The following MYBL2 variants were observed in gnomAD, a reference collection of about 807,000 sequenced individuals.
MYBL2 encodes myb-related protein B.
A neutral mutation model predicts 79.9 loss-of-function variants in MYBL2; 28 were observed. That is an observed-to-expected ratio of 0.35 (90% CI 0.26 to 0.48). The LOEUF is 0.48. MYBL2 is among the 20% of genes least tolerant of loss of function. MYBL2 has a pLI of 0.99. For missense variants in MYBL2, 735 were observed against 893.9 expected (o/e 0.82, Z 2.27); for synonymous variants, 378 against 361.2 (o/e 1.05, Z -0.53).
intron 5 of MYBL2, among the ~76,000 whole-genome samples, chr20:43,688,446 C>A (rs1158868497): frequency 6.6e-6 from 1 of 152,068 alleles, no homozygotes; most frequent in Non-Finnish European, 1.5e-5. Flanking sequence ...CTGCCCACCT[C>A]AGCCTCACAA....
chr20:43,673,722 TG>T, intron 1 of MYBL2, 83 bp from the exon 2 acceptor site: 1 of 1,303,252 alleles, frequency 7.7e-7, no homozygotes, highest in Non-Finnish European at 1.1e-6. Flanking sequence ...TTCCCTAGGG[TG>T]GGCTGGCCGC....
intron 8 of MYBL2, among the ~76,000 whole-genome samples, chr20:43,703,332 T>C (rs1207291617): frequency 1.3e-5 from 2 of 152,224 alleles, no homozygotes; most frequent in Non-Finnish European, 2.9e-5. Context: ...GTGCTGGGGA[T>C]GGGCTTGTAA....
Position 43,706,719 on chromosome 20 carries a change from G to GTTTTTTTTTTTTTTTTTTT in MYBL2, c.1505+1375_1505+1376insTTTTTTTTTTTTTTTTTTT, listed in dbSNP as rs71193702. ...CTGTCTGTACACAAAAAAAAAAAAAGTTTTTTTTTTTTTTGAGATGGAGTC... is the reference window on the plus strand; with the variant it reads ...CTGTCTGTACACAAAAAAAAAAAAAGTTTTTTTTTTTTTTTTTTTTTTTTTTTTTTTTTGAGATGGAGTC... On this transcript the variant is annotated intron_variant, in intron 9 of 13. Transcript: ENST00000217026. Among the ~76,000 whole-genome samples, 39 of 70,776 alleles carry GTTTTTTTTTTTTTTTTTTT rather than the reference G, an allele frequency of 5.5e-4. 5 individuals are homozygous for GTTTTTTTTTTTTTTTTTTT. Among genetic ancestry groups the GTTTTTTTTTTTTTTTTTTT allele is most frequent in the South Asian group, 3.4e-3 (6 of 1,788 alleles). The allele number at this position is 70,776 out of a possible 152,430, so 46.4% of individuals were successfully genotyped here. A position where few individuals can be genotyped will look rare whatever the true frequency, so the allele number is the denominator to read the frequency against.
In MYBL2 at chr20:43,703,700, C is replaced by T. The variant is rs145062827; in HGVS notation, c.1365+797C>T. Among the ~76,000 whole-genome samples, 1,170 of 152,208 alleles carry T rather than the reference C, an allele frequency of 7.7e-3. 29 individuals are homozygous for T. The highest frequency in any genetic ancestry group is 0.043 in the Admixed American group (650 of 15,294). On this transcript the variant is annotated intron_variant, in intron 8 of 13. Coordinates refer to ENST00000217026, the MANE Select transcript of MYBL2 (RefSeq NM_002466.4). The stretch of plus-strand genomic sequence containing the variant: ...CTTCCTGTGAGGCTGTGGGAGAGAG[C>T]GAGGCCCTGAGGTGGCCTGGTGCAG...
chr20:43,680,778 C>A (rs1363706187), intron 2 of MYBL2, among the ~76,000 whole-genome samples: 1 of 152,216 alleles, frequency 6.6e-6, no homozygotes, highest in Non-Finnish European at 1.5e-5. Flanking sequence ...CAGGTGTGAG[C>A]CACTGCGCCT....
At chr20:43,688,803 T>C (rs1426563246) in intron 5 of MYBL2, among the ~76,000 whole-genome samples, 4 of 152,032 alleles carry the variant, frequency 2.6e-5, no homozygotes, top group African/African-American at 9.7e-5. Flanking sequence ...ATTATATTTT[T>C]TTTAAGACCG....
intron 2 of MYBL2, among the ~76,000 whole-genome samples, chr20:43,676,222 A>G (rs920531951): frequency 3.9e-5 from 6 of 151,938 alleles, no homozygotes; most frequent in Non-Finnish European, 7.4e-5. Flanking sequence ...CCCAGCCCCA[A>G]TAGGTAGTTT....
At chr20:43,712,507 C>T (rs1987930169) in intron 11 of MYBL2, among the ~76,000 whole-genome samples, 1 of 152,106 alleles carries the variant, frequency 6.6e-6, no homozygotes, top group Non-Finnish European at 1.5e-5. Context: ...AGAGCCGCTC[C>T]CTGGTATCGG....
At chr20:43,682,925 C>T in intron 4 of MYBL2, 39 bp downstream of exon 4, 2 of 1,558,104 alleles carry the variant, frequency 1.3e-6, no homozygotes, top group Non-Finnish European at 1.8e-6. Flanking sequence ...AGTGGGTCTT[C>T]ACCCACCAGT....
chr20:43,693,873 A>AACCCCATTTTATAG (rs1987472048), intron 6 of MYBL2, among the ~76,000 whole-genome samples: 1 of 152,204 alleles, frequency 6.6e-6, no homozygotes, highest in East Asian at 1.9e-4. Context: ...CAACATGGTG[A>AACCCCATTTTATAG]AACCCCATTT....
intron 10 of MYBL2, among the ~76,000 whole-genome samples, chr20:43,710,808 G>T (rs1452692717): frequency 6.6e-6 from 1 of 152,184 alleles, no homozygotes; most frequent in Non-Finnish European, 1.5e-5. Flanking sequence ...TACATGAGCC[G>T]AGGTGAGGCA....
intron 7 of MYBL2, 123 bp from the exon 8 acceptor site, chr20:43,702,367 A>T (rs946360997): frequency 1.7e-5 from 18 of 1,084,874 alleles, no homozygotes; most frequent in Admixed American, 2.3e-5. Context: ...AAATGCATGA[A>T]ATATTAATGA....
chr20:43,710,124 C>A, intron 10 of MYBL2, 62 bp downstream of exon 10: 1 of 1,350,566 alleles, frequency 7.4e-7, no homozygotes, highest in Non-Finnish European at 1.0e-6. Flanking sequence ...TTCATCCAAC[C>A]ATGTTCAGTC....
chr20:43,690,490 C>T (rs531376268), intron 5 of MYBL2, among the ~76,000 whole-genome samples: 92 of 151,878 alleles, frequency 6.1e-4, no homozygotes, highest in Non-Finnish European at 1.1e-3. Context: ...TAGTAGAAGC[C>T]GTCGGCAGCA....
chr20:43,701,296 G>C (rs1213215140), intron 7 of MYBL2, among the ~76,000 whole-genome samples: 1 of 152,208 alleles, frequency 6.6e-6, no homozygotes, highest in Non-Finnish European at 1.5e-5. Context: ...TGGTCTACCA[G>C]ACACTGTCGG....
chr20:43,709,679 C>G (rs1987863069), intron 9 of MYBL2, among the ~76,000 whole-genome samples: 1 of 152,212 alleles, frequency 6.6e-6, no homozygotes, highest in African/African-American at 2.4e-5. Flanking sequence ...TGAAGTGTGG[C>G]CACGGACTGC....
At chr20:43,668,383 G>A (rs898483883) in intron 1 of MYBL2, among the ~76,000 whole-genome samples, 2 of 151,896 alleles carry the variant, frequency 1.3e-5, no homozygotes, top group Non-Finnish European at 2.9e-5. Flanking sequence ...TGTATGTTTA[G>A]TAGAGACAGG....
chr20:43,699,657 A>T lies in MYBL2; in HGVS notation c.664-100A>T, dbSNP rs1359533158. The stretch of plus-strand genomic sequence containing the variant: ...GAATGTTTCTCTATTTGGGTTCATC[A>T]CAGTTTCCTTCTTAGATTCAGGTTG... On this transcript the variant is annotated intron_variant, in intron 6 of 13. Coordinates refer to ENST00000217026, the MANE Select transcript of MYBL2 (RefSeq NM_002466.4). 9.2e-6 allele frequency: 12 copies of T among 1,308,704 alleles called. No individual in the cohort carries two copies. In the East Asian group the frequency reaches 2.8e-4, roughly 31 times the overall value. 81.1% of individuals were successfully genotyped at this position (1,308,704 alleles called of 1,614,324 possible). A position where few individuals can be genotyped will look rare whatever the true frequency, so the allele number is the denominator to read the frequency against.
intron 6 of MYBL2, among the ~76,000 whole-genome samples, chr20:43,696,547 T>C (rs1286649301): frequency 6.6e-6 from 1 of 152,294 alleles, no homozygotes; most frequent in Non-Finnish European, 1.5e-5. Context: ...CTTACTCTTT[T>C]ACAACTTTCT....
Sources: gnomAD v4.1 joint callset for allele counts (sites outside exome capture counted in the v4.1 genomes callset) on GRCh38, gnomAD v4.1.1 for gene constraint, MANE v1.5 for transcripts, NCBI Gene and HGNC (gene_info 2026-07-23, HGNC 2026-07-21) for gene names.